Variants in NFIL3 observed in about 807,000 individuals in gnomAD.
The protein encoded by NFIL3 is nuclear factor, interleukin 3 regulated.
Under a neutral mutation model 10.0 loss-of-function variants are expected in NFIL3, and 5 were observed. The ratio of observed to expected loss-of-function variants is 0.50; its 90% confidence interval spans 0.26 to 1.06. The LOEUF (loss-of-function observed/expected upper bound fraction) is 1.06. Among genes scored for constraint, NFIL3 ranks in the 50% least tolerant of loss-of-function variants. The probability of loss-of-function intolerance (pLI) is 0.13; values close to 1 mark genes in which losing one functional copy is unlikely to be tolerated. For synonymous variants in NFIL3, 202 were observed against 206.5 expected (o/e 0.98, Z 0.19); for missense variants, 436 against 547.6 (o/e 0.80, Z 2.03).
At chr9:91,432,318 C>G in the NFIL3 span, among the ~76,000 whole-genome samples, 2 of 152,186 alleles carry the variant, frequency 1.3e-5, no homozygotes, top group African/African-American at 4.8e-5. Context: ...GTACCTTGTC[C>G]TTATAAATGT....
the NFIL3 span, among the ~76,000 whole-genome samples, chr9:91,443,521 G>C: frequency 6.6e-6 from 1 of 152,264 alleles, no homozygotes; most frequent in Non-Finnish European, 1.5e-5. Flanking sequence ...AGGGCCCAAA[G>C]TTTGGAGGAG....
chr9:91,455,793 C>T, the NFIL3 span, among the ~76,000 whole-genome samples: 25 of 152,218 alleles, frequency 1.6e-4, no homozygotes, highest in Non-Finnish European at 2.4e-4. Context: ...ATTATTGGAA[C>T]GCTATGCACG....
At chr9:91,434,668 G>T in the NFIL3 span, among the ~76,000 whole-genome samples, 1 of 151,962 alleles carries the variant, frequency 6.6e-6, no homozygotes, top group Non-Finnish European at 1.5e-5. Context: ...CTAGAAAAAG[G>T]TTTAACATTC....
chr9:91,434,155 G>A, the NFIL3 span, among the ~76,000 whole-genome samples: 99 of 152,226 alleles, frequency 6.5e-4, no homozygotes, highest in African/African-American at 2.0e-3. Flanking sequence ...TGACTCATGC[G>A]TATAATAGAA....
At chr9:91,476,946 A>G in the NFIL3 span, among the ~76,000 whole-genome samples, 4 of 152,210 alleles carry the variant, frequency 2.6e-5, no homozygotes, top group Admixed American at 2.0e-4. Context: ...AGAGGTGTAA[A>G]TATTAGAAAG....
At position 91,423,623 on chromosome 9, in the gene NFIL3, G is replaced by A. The variant is rs2118049321; in HGVS notation, c.-173+17C>T. On this transcript the variant is annotated intron_variant, in intron 1 of 1. Transcript: ENST00000297689. ...GCGGTCGCCGGGCCCCCGGCCGGCG[G>A]TGGGCGGAGCGCTTACCGTGTTCCT... 1 of 146,766 alleles carries A rather than the reference G, an allele frequency of 6.8e-6. No individual in the cohort carries two copies. The highest frequency in any genetic ancestry group is 2.4e-5 in the African/African-American group (1 of 40,934). 9.1% of individuals were successfully genotyped at this position (146,766 alleles called of 1,614,324 possible).
At chr9:91,465,659 A>G in the NFIL3 span, among the ~76,000 whole-genome samples, 1 of 150,500 alleles carries the variant, frequency 6.6e-6, no homozygotes, top group African/African-American at 2.4e-5. Flanking sequence ...TTTTCCTTTT[A>G]GCATGCCTTT....
upstream of NFIL3, chr9:91,423,910 G>T (rs1480258945): frequency 7.0e-6 from 1 of 143,718 alleles, no homozygotes; most frequent in African/African-American, 2.5e-5. Flanking sequence ...CCCAATCGCC[G>T]CGCCCGCACC....
intron 1 of NFIL3, among the ~76,000 whole-genome samples, chr9:91,411,779 G>C (rs1380778111): frequency 6.6e-6 from 1 of 152,034 alleles, no homozygotes; most frequent in African/African-American, 2.4e-5. Context: ...TAGATTTCAG[G>C]TTTCAGTTAC....
the NFIL3 span, among the ~76,000 whole-genome samples, chr9:91,458,741 C>T: frequency 6.6e-6 from 1 of 152,074 alleles, no homozygotes; most frequent in Non-Finnish European, 1.5e-5. Flanking sequence ...CTATCAAAGT[C>T]ATTAGAAAGT....
rs780376344 is a variant in NFIL3, at chr9:91,410,171, G to A, written c.564C>T (p.Ser188=). The A allele has an allele frequency of 2.9e-5, 46 of 1,613,982 alleles. 1 individual carries two copies. The highest frequency in any genetic ancestry group is 1.1e-4 in the South Asian group (10 of 91,086). ...CTACTGAGGACACTTCTGAAACATCGGACAGCGAGCTTTGTGGAGAGTGTT... is the reference window on the plus strand; with the variant it reads ...CTACTGAGGACACTTCTGAAACATCAGACAGCGAGCTTTGTGGAGAGTGTT... ...VIKHSPQSSL[S]DVSEVSSVEH... is the part of the protein sequence containing the mutation. Residue 188 remains serine, a synonymous_variant, in exon 2 of 2, where the codon TCC becomes TCT. Coordinates refer to ENST00000297689, the MANE Select transcript of NFIL3 (RefSeq NM_005384.3). This position sits in a 1 kb window ranked among gnomAD's most constrained non-coding sequence, Gnocchi z 5.7.
At chr9:91,458,987 C>T in the NFIL3 span, among the ~76,000 whole-genome samples, 1 of 152,166 alleles carries the variant, frequency 6.6e-6, no homozygotes, top group Non-Finnish European at 1.5e-5. Flanking sequence ...GCTGGTGGGA[C>T]AGGATGCCTT....
chr9:91,447,702 C>G, the NFIL3 span, among the ~76,000 whole-genome samples: 1 of 152,116 alleles, frequency 6.6e-6, no homozygotes, highest in Non-Finnish European at 1.5e-5. Flanking sequence ...TTGTTGAGTT[C>G]TAAGAATTCT....
the NFIL3 span, among the ~76,000 whole-genome samples, chr9:91,437,743 T>C: frequency 6.6e-6 from 1 of 152,254 alleles, no homozygotes; most frequent in African/African-American, 2.4e-5. Context: ...AAATTCCACA[T>C]GTAAATGAGA....
chr9:91,415,204 G>A (rs1229113104), intron 1 of NFIL3, among the ~76,000 whole-genome samples: 1 of 152,204 alleles, frequency 6.6e-6, no homozygotes, highest in Admixed American at 6.5e-5. Context: ...GGGGAACCAG[G>A]TGTGAGTGCA....
chr9:91,409,850 G>A lies in NFIL3; in HGVS notation c.885C>T (p.Pro295=). 1 of 1,614,014 alleles carries A rather than the reference G, an allele frequency of 6.2e-7. No homozygotes were observed. The highest frequency in any genetic ancestry group is 8.5e-7 in the Non-Finnish European group (1 of 1,180,014). The stretch of plus-strand genomic sequence containing the variant: ...CAACTGGAGAATGGATGGGGCCCTT[G>A]GGGACCTGTTGCTCGTCTTCTCCAT... ...SSDGEDEQQV[P]KGPIHSPVEL... is the part of the protein sequence containing the mutation. The change falls in exon 2 of 2, where the codon CCC becomes CCT. Residue 295 remains proline, a synonymous_variant. Coordinates refer to ENST00000297689, the MANE Select transcript of NFIL3 (RefSeq NM_005384.3).
chr9:91,452,512 C>T, the NFIL3 span, among the ~76,000 whole-genome samples: 31 of 152,140 alleles, frequency 2.0e-4, no homozygotes, highest in Admixed American at 1.2e-3. Flanking sequence ...CGGTGGCTCA[C>T]GCCTGTAATC....
At chr9:91,440,796 C>T in the NFIL3 span, among the ~76,000 whole-genome samples, 4 of 152,046 alleles carry the variant, frequency 2.6e-5, no homozygotes, top group African/African-American at 9.7e-5. Context: ...TTAATTTCCA[C>T]ATATGTGTGA....
the NFIL3 span, among the ~76,000 whole-genome samples, chr9:91,473,070 C>T: frequency 6.6e-6 from 1 of 152,166 alleles, no homozygotes; most frequent in Admixed American, 6.5e-5. Flanking sequence ...CCTGATCCTT[C>T]CCATGGAAGC....
Sources: allele counts gnomAD v4.1 joint callset (sites outside exome capture counted in the v4.1 genomes callset), GRCh38; gene constraint gnomAD v4.1.1; non-coding constraint Gnocchi (gnomAD v3.1); transcripts MANE v1.5; gene names NCBI Gene and HGNC (gene_info 2026-07-23, HGNC 2026-07-21).